Variants in ZNF385D observed in about 807,000 individuals in gnomAD.
The protein encoded by ZNF385D is zinc finger protein 385D.
ZNF385D carries 15 observed loss-of-function variants against 35.8 expected under a neutral mutation model. The observed-to-expected ratio is 0.42, with a 90% CI of 0.28 to 0.64. The LOEUF (loss-of-function observed/expected upper bound fraction) is 0.64. Among genes scored for constraint, ZNF385D ranks in the 30% least tolerant of loss-of-function variants. The pLI is 0.23. For missense variants in ZNF385D, 474 were observed against 494.6 expected, an observed-to-expected ratio of 0.96 and a Z score of 0.39; for synonymous variants, 212 against 186.8, an observed-to-expected ratio of 1.13 and a Z score of -1.10.
intron 2 of ZNF385D, among the ~76,000 whole-genome samples, chr3:21,602,573 C>T (rs1056487159): frequency 1.6e-5 from 2 of 123,382 alleles, no homozygotes; most frequent in East Asian, 2.8e-4. Context: ...TCGCCCAGGC[C>T]GGACTGCGGA....
intron 3 of ZNF385D, among the ~76,000 whole-genome samples, chr3:22,022,732 C>A (rs1697298185): frequency 2.0e-5 from 3 of 151,696 alleles, no homozygotes; most frequent in African/African-American, 7.3e-5. Flanking sequence ...GGAATAGAGA[C>A]CAGAAATTGA....
At position 21,852,502 on chromosome 3, in the gene ZNF385D, A is replaced by G. The variant is rs184917564; in HGVS notation, c.326-187474T>C. 2.7e-4 allele frequency among the ~76,000 whole-genome samples: 41 copies of G among 152,028 alleles called. 1 individual carries two copies. The East Asian group carries it at 7.8e-3, about 29-fold the overall frequency. On this transcript the variant is annotated intron_variant, in intron 3 of 5. Coordinates refer to the ZNF385D transcript ENST00000494108. The stretch of plus-strand genomic sequence containing the variant: ...TTACTTTTACTTTTGAGGCATCAAA[A>G]TCAGGAACACGATGAATATCATGCT...
intron 1 of ZNF385D, among the ~76,000 whole-genome samples, chr3:21,727,010 T>A (rs1158274066): frequency 1.3e-5 from 2 of 151,872 alleles, no homozygotes; most frequent in Non-Finnish European, 2.9e-5. Flanking sequence ...CCCTCAGAAA[T>A]AAAACAACAC....
At position 21,424,021 on chromosome 3, in the gene ZNF385D, G is replaced by A. The variant is rs368851214; in HGVS notation, c.896C>T (p.Pro299Leu). 1 of 1,603,052 alleles carries A rather than the reference G, an allele frequency of 6.2e-7. No homozygotes were observed. The highest frequency in any genetic ancestry group is 1.4e-5 in the African/African-American group (1 of 74,042). ...GTAAGGACTGTATTTAGGTTTCGGG[G>A]GCTTCCCAGCAGCTCTGTCTTTGTG... ...RRHKDRAAGK[P>L]PKPKYSPYNK... is the part of the protein sequence containing the mutation. Residue 299 changes from proline to leucine, a missense_variant, in exon 7 of 8, where the codon CCC becomes CTC. Pro to Leu is a moderately conservative substitution (Grantham distance 98). Coordinates refer to ENST00000281523, the MANE Select transcript of ZNF385D (RefSeq NM_024697.3).
chr3:21,701,060 G>A (rs545449109), intron 1 of ZNF385D, among the ~76,000 whole-genome samples: 1 of 152,234 alleles, frequency 6.6e-6, no homozygotes, highest in East Asian at 1.9e-4. Context: ...CAATCTGAAG[G>A]CAGAATGAGT....
chr3:21,992,022 C>G (rs777402110), intron 3 of ZNF385D, among the ~76,000 whole-genome samples: 2 of 152,168 alleles, frequency 1.3e-5, no homozygotes, highest in Non-Finnish European at 2.9e-5. Flanking sequence ...CTTTAGCATG[C>G]TCATCTCTGG....
chr3:22,345,117 T>G (rs1034220971), intron 2 of ZNF385D, among the ~76,000 whole-genome samples: 1 of 152,222 alleles, frequency 6.6e-6, no homozygotes, highest in Non-Finnish European at 1.5e-5. Flanking sequence ...AGGTGCTATG[T>G]GATACAGTAT....
chr3:22,356,808 C>T (rs1696173204), intron 2 of ZNF385D, among the ~76,000 whole-genome samples: 1 of 151,362 alleles, frequency 6.6e-6, no homozygotes, highest in Non-Finnish European at 1.5e-5. Flanking sequence ...AGATAGATAG[C>T]TCTGAACATT....
At chr3:22,359,251 T>C (rs1696302880) in intron 2 of ZNF385D, among the ~76,000 whole-genome samples, 1 of 151,838 alleles carries the variant, frequency 6.6e-6, no homozygotes, top group African/African-American at 2.4e-5. Flanking sequence ...TTCGATTAAC[T>C]TAAAATATAC....
At chr3:21,595,906 G>C (rs1476314704) in intron 2 of ZNF385D, among the ~76,000 whole-genome samples, 3 of 152,134 alleles carry the variant, frequency 2.0e-5, no homozygotes, top group African/African-American at 7.2e-5. Context: ...CATATGTCAG[G>C]CTCCAATCCT....
At chr3:21,745,915 T>C (rs1251397548) in intron 1 of ZNF385D, among the ~76,000 whole-genome samples, 1 of 152,224 alleles carries the variant, frequency 6.6e-6, no homozygotes, top group African/African-American at 2.4e-5. Flanking sequence ...GCTTAAAAAG[T>C]ACTTTAATGT....
intron 4 of ZNF385D, among the ~76,000 whole-genome samples, chr3:21,479,554 C>T (rs1292261266): frequency 6.6e-6 from 1 of 152,044 alleles, no homozygotes; most frequent in African/African-American, 2.4e-5. Flanking sequence ...CTTTGTATGG[C>T]AAAGGTATTT....
intron 2 of ZNF385D, among the ~76,000 whole-genome samples, chr3:22,211,924 A>C (rs1697549970): frequency 6.6e-6 from 1 of 152,036 alleles, no homozygotes; most frequent in Non-Finnish European, 1.5e-5. Context: ...GCTTTGACAG[A>C]AGATGCCTAA....
intron 1 of ZNF385D, among the ~76,000 whole-genome samples, chr3:21,686,168 T>C (rs1016911060): frequency 1.3e-5 from 2 of 152,190 alleles, no homozygotes; most frequent in African/African-American, 4.8e-5. Flanking sequence ...TCAGATGATT[T>C]GTTAGTTGTA....
chr3:22,058,246 A>T (rs537287049), intron 3 of ZNF385D, among the ~76,000 whole-genome samples: 80 of 152,234 alleles, frequency 5.3e-4, no homozygotes, highest in Non-Finnish European at 9.8e-4. Flanking sequence ...TTTTTGCTTC[A>T]AATGATAGAG....
chr3:22,329,009 G>A lies in ZNF385D; in HGVS notation c.106+43441C>T, dbSNP rs557100232. Among the ~76,000 whole-genome samples, 608 of 149,272 alleles carry A rather than the reference G, an allele frequency of 4.1e-3. 9 individuals are homozygous for A. The highest frequency in any genetic ancestry group is 0.014 in the African/African-American group (578 of 40,534). The stretch of plus-strand genomic sequence containing the variant: ...GGAGAATGGCGTGAACCCGGGAGGC[G>A]GAGCTTGCAGTGAGCCGAGATCGCG... On this transcript the variant is annotated intron_variant, in intron 2 of 5. Transcript: ENST00000494108.
chr3:21,753,346 A>C (rs1416219672), upstream of ZNF385D, among the ~76,000 whole-genome samples: 1 of 152,332 alleles, frequency 6.6e-6, no homozygotes, highest in African/African-American at 2.4e-5. Flanking sequence ...GGCTCAGGTA[A>C]AAGTCACCCC....
chr3:22,350,859 G>A (rs1695883561), intron 2 of ZNF385D, among the ~76,000 whole-genome samples: 1 of 151,956 alleles, frequency 6.6e-6, no homozygotes, highest in Non-Finnish European at 1.5e-5. Context: ...TTGCATGGCA[G>A]GCATACCTTA....
intron 3 of ZNF385D, among the ~76,000 whole-genome samples, chr3:22,021,466 T>A (rs1166541894): frequency 6.6e-6 from 1 of 152,050 alleles, no homozygotes; most frequent in Non-Finnish European, 1.5e-5. Flanking sequence ...TATCTTAGGT[T>A]CAGAGTCAAA....
Sources: allele counts gnomAD v4.1 joint callset (sites outside exome capture counted in the v4.1 genomes callset), GRCh38; gene constraint gnomAD v4.1.1; transcripts MANE v1.5; gene names NCBI Gene and HGNC (gene_info 2026-07-23, HGNC 2026-07-21).